Variants in LHX4 observed in about 807,000 individuals in gnomAD.
The protein encoded by LHX4 is LIM homeobox 4.
A neutral mutation model predicts 39.2 loss-of-function variants in LHX4; 16 were observed. The observed-to-expected ratio is 0.41, with a 90% CI of 0.28 to 0.62. The LOEUF (loss-of-function observed/expected upper bound fraction) is 0.62, where lower values mean the gene tolerates loss of function less well. Ranked by LOEUF, LHX4 falls within the 20% of genes least tolerant of loss-of-function variation. The pLI, the probability that LHX4 is intolerant of heterozygous loss-of-function variation, is 0.33. For synonymous variants in LHX4, 206 were observed against 198.1 expected (o/e 1.04, Z -0.33); for missense variants, 439 against 511.9 (o/e 0.86, Z 1.37).
chr1:180,269,241 T>C (rs1445334612), intron 3 of LHX4, among the ~76,000 whole-genome samples: 1 of 152,172 alleles, frequency 6.6e-6, no homozygotes, highest in African/African-American at 2.4e-5. Flanking sequence ...TTATCTTGAA[T>C]ACCTTGCAGA....
intron 1 of LHX4, among the ~76,000 whole-genome samples, chr1:180,247,198 G>T (rs753539690): frequency 6.6e-6 from 1 of 152,136 alleles, no homozygotes; most frequent in Non-Finnish European, 1.5e-5. Flanking sequence ...TATCAAATTC[G>T]CAAGCAATCC....
At chr1:180,263,185 G>T (rs1225438730) in intron 2 of LHX4, among the ~76,000 whole-genome samples, 1 of 152,156 alleles carries the variant, frequency 6.6e-6, no homozygotes, top group African/African-American at 2.4e-5. Flanking sequence ...GGTCCAGTTG[G>T]TTAGACTTCT....
chr1:180,229,973 G>GGGT (rs1664132988), upstream of LHX4, among the ~76,000 whole-genome samples: 1 of 143,630 alleles, frequency 7.0e-6, no homozygotes, highest in Non-Finnish European at 1.6e-5. Flanking sequence ...GAGGGGGGGG[G>GGGT]GGTGCCGGCT....
At chr1:180,265,482 A>G (rs1036459988) in intron 2 of LHX4, among the ~76,000 whole-genome samples, 1 of 152,270 alleles carries the variant, frequency 6.6e-6, no homozygotes, top group Non-Finnish European at 1.5e-5. Context: ...AAGGGAGTGG[A>G]AACAACCCCA....
At chr1:180,261,387 C>T (rs891205263) in intron 2 of LHX4, among the ~76,000 whole-genome samples, 2 of 151,946 alleles carry the variant, frequency 1.3e-5, no homozygotes, top group African/African-American at 2.4e-5. Context: ...GGGGATGGCT[C>T]ACACCTGTAA....
At chr1:180,271,668 C>A in intron 4 of LHX4, 134 bp downstream of exon 4, 1 of 1,350,344 alleles carries the variant, frequency 7.4e-7, no homozygotes, top group Non-Finnish European at 1.1e-6. Flanking sequence ...GAACTGAAGA[C>A]AGAGTTCTGA....
intron 2 of LHX4, among the ~76,000 whole-genome samples, chr1:180,252,899 G>T (rs1429008228): frequency 6.6e-6 from 1 of 152,158 alleles, no homozygotes; most frequent in African/African-American, 2.4e-5. Flanking sequence ...TTTCTTTGGG[G>T]GCTGTTGAGC....
chr1:180,268,961 C>G (rs924514102), intron 3 of LHX4, among the ~76,000 whole-genome samples: 1 of 152,198 alleles, frequency 6.6e-6, no homozygotes, highest in Non-Finnish European at 1.5e-5. Context: ...GATCTCAGAG[C>G]AGTTACTTGC....
chr1:180,238,879 C>T lies in LHX4; in HGVS notation c.76+8274C>T, dbSNP rs141165531. 8.0e-3 allele frequency among the ~76,000 whole-genome samples: 1,217 copies of T among 152,260 alleles called. 4 individuals carry two copies. Among genetic ancestry groups the T allele is most frequent in the Non-Finnish European group, 0.01 (700 of 68,016 alleles). Reference sequence around the variant, plus strand: ...CCAGATTTGTCATGGAAAACTGAGTCGTGGGCCTCAGGTTTTCCCTGCGTG... The same window carrying T: ...CCAGATTTGTCATGGAAAACTGAGTTGTGGGCCTCAGGTTTTCCCTGCGTG... On this transcript the variant is annotated intron_variant, in intron 1 of 5. Transcript: ENST00000263726.
Position 180,274,405 on chromosome 1 carries a change from G to A in LHX4, c.999G>A (p.Thr333=), listed in dbSNP as rs532838415. The part of the protein sequence containing the change: ...HAPLLNGLDY[T]VDSNLGIIAH... ...CTTTGCTCAATGGGCTGGATTACACGGTGGACAGTAATTTGGGCATCATTG... is the reference window on the plus strand; with the variant it reads ...CTTTGCTCAATGGGCTGGATTACACAGTGGACAGTAATTTGGGCATCATTG... Residue 333 remains threonine (T), a synonymous_variant, in exon 6 of 6, where the codon ACG becomes ACA. Coordinates refer to ENST00000263726, the MANE Select transcript of LHX4 (RefSeq NM_033343.4). The A allele has an allele frequency of 2.5e-6, 4 of 1,614,054 alleles. No homozygotes were observed. The highest frequency in any genetic ancestry group is 1.3e-5 in the African/African-American group (1 of 74,910).
intron 2 of LHX4, among the ~76,000 whole-genome samples, chr1:180,264,747 C>T (rs1305373994): frequency 2.0e-5 from 3 of 152,222 alleles, no homozygotes; most frequent in South Asian, 4.1e-4. Context: ...CTGACCCTCA[C>T]GCAGAGAACT....
At chr1:180,271,806 T>C in intron 4 of LHX4, 29 bp from the exon 5 acceptor site, 1 of 1,613,312 alleles carries the variant, frequency 6.2e-7, no homozygotes. Flanking sequence ...GGACGCCCCC[T>C]GAGTATGTCC....
Position 180,230,280 on chromosome 1 carries a change from C to G in LHX4, c.-250C>G, listed in dbSNP as rs1444686044. On this transcript the variant is annotated 5_prime_UTR_variant, in exon 1 of 6. Coordinates refer to ENST00000263726, the MANE Select transcript of LHX4 (RefSeq NM_033343.4). This position sits in a 1 kb window ranked among gnomAD's most constrained non-coding sequence, Gnocchi z 5.8. ...AAAAAAGCCAGAGCTGCAGCAACAG[C>G]GTCTCAACCTGGGATGTGCACCAAC... 2 of 574,614 alleles carry G rather than the reference C, an allele frequency of 3.5e-6. No individual in the cohort carries two copies. The highest frequency in any genetic ancestry group is 4.1e-5 in the South Asian group (2 of 49,238). The allele number at this position is 574,614 out of a possible 1,614,324, so 35.6% of individuals were successfully genotyped here. A position where few individuals can be genotyped will look rare whatever the true frequency, so the allele number is the denominator to read the frequency against.
intron 2 of LHX4, 183 bp downstream of exon 2, chr1:180,248,639 A>G: frequency 1.4e-6 from 1 of 697,252 alleles, no homozygotes; most frequent in African/African-American, 1.7e-5. Flanking sequence ...CTGGCCCATC[A>G]CTGCCAGAGG....
rs71785064 is a variant in LHX4, at chr1:180,255,364, GCA to G, written c.248+6917_248+6918del. Among the ~76,000 whole-genome samples the G allele has an allele frequency of 9.6e-3, 1,466 of 152,156 alleles. 25 individuals are homozygous for G. The highest frequency in any genetic ancestry group is 0.033 in the African/African-American group (1,379 of 41,496). ...CACACATGCACACACATGTATACAC[GCA>G]CACACACATGCATACACACACGCAC... On this transcript the variant is annotated intron_variant, in intron 2 of 5. Transcript: ENST00000263726.
chr1:180,274,802 G>A lies in LHX4; in HGVS notation c.*223G>A, dbSNP rs1648927114. ...GACTCATCTCAGAACACAGCACAGGGGGTAATGGCCTAGAGCTCTAGGGAC... is the reference window on the plus strand; with the variant it reads ...GACTCATCTCAGAACACAGCACAGGAGGTAATGGCCTAGAGCTCTAGGGAC... On this transcript the variant is annotated 3_prime_UTR_variant, in exon 6 of 6. Transcript: ENST00000263726. 3.6e-6 allele frequency: 2 copies of A among 549,884 alleles called. No individual in the cohort carries two copies. The highest frequency in any genetic ancestry group is 3.7e-5 in the African/African-American group (2 of 53,394). 34.1% of individuals were successfully genotyped at this position (549,884 alleles called of 1,614,324 possible). A position where few individuals can be genotyped will look rare whatever the true frequency, so the allele number is the denominator to read the frequency against.
chr1:180,257,924 G>A (rs1413275564), intron 2 of LHX4, among the ~76,000 whole-genome samples: 2 of 152,126 alleles, frequency 1.3e-5, no homozygotes, highest in Non-Finnish European at 2.9e-5. Context: ...TGAGGTCTGG[G>A]GCAGTTACTA....
At chr1:180,245,205 G>A (rs1235818774) in intron 1 of LHX4, among the ~76,000 whole-genome samples, 2 of 152,200 alleles carry the variant, frequency 1.3e-5, no homozygotes, top group African/African-American at 4.8e-5. Context: ...CTCAGCTCAT[G>A]CTGGAGAAAC....
chr1:180,260,945 A>G (rs1648092412), intron 2 of LHX4, among the ~76,000 whole-genome samples: 1 of 151,790 alleles, frequency 6.6e-6, no homozygotes, highest in African/African-American at 2.4e-5. Flanking sequence ...CCCAGTTCTT[A>G]TCTGTTAAAA....
Sources: gnomAD v4.1 joint callset for allele counts (sites outside exome capture counted in the v4.1 genomes callset) on GRCh38, gnomAD v4.1.1 for gene constraint, Gnocchi (gnomAD v3.1) non-coding constraint, MANE v1.5 for transcripts, NCBI Gene and HGNC (gene_info 2026-07-23, HGNC 2026-07-21) for gene names.